GALNTL6: variants seen among roughly 807,000 people sequenced by gnomAD.
GALNTL6 encodes the protein polypeptide N-acetylgalactosaminyltransferase-like 6.
Under a neutral mutation model 73.7 loss-of-function variants are expected in GALNTL6, and 46 were observed. The observed-to-expected ratio is 0.62, with a 90% CI of 0.49 to 0.80. The LOEUF (loss-of-function observed/expected upper bound fraction) is 0.80. GALNTL6 is among the 30% of genes least tolerant of loss of function. The pLI is 0.00. For synonymous variants in GALNTL6, 259 were observed against 263.7 expected, an observed-to-expected ratio of 0.98 and a Z score of 0.17; for missense variants, 604 against 755.0, an observed-to-expected ratio of 0.80 and a Z score of 2.34.
intron 5 of GALNTL6, among the ~76,000 whole-genome samples, chr4:172,589,243 C>T (rs1286752155): frequency 1.3e-5 from 2 of 152,070 alleles, no homozygotes; most frequent in East Asian, 3.9e-4. Context: ...CTAGACAAGC[C>T]AGCACTATTT....
chr4:172,478,847 C>A (rs1733336166), intron 5 of GALNTL6, among the ~76,000 whole-genome samples: 1 of 152,068 alleles, frequency 6.6e-6, no homozygotes, highest in Non-Finnish European at 1.5e-5. Context: ...TAAAAGTAGG[C>A]AAACATCATG....
intron 5 of GALNTL6, among the ~76,000 whole-genome samples, chr4:172,773,172 C>T (rs572927642): frequency 1.4e-4 from 22 of 152,276 alleles, no homozygotes; most frequent in African/African-American, 5.1e-4. Flanking sequence ...GATCGTTTCA[C>T]GTATCCTGAC....
intron 2 of GALNTL6, among the ~76,000 whole-genome samples, chr4:171,893,584 C>A (rs890914214): frequency 6.6e-5 from 10 of 152,114 alleles, no homozygotes; most frequent in African/African-American, 2.4e-4. Context: ...CCTGAATCAA[C>A]ATTTTTATTT....
In GALNTL6 at chr4:172,256,410, A is replaced by C. The variant is rs1002424694; in HGVS notation, c.247+26646A>C. Among the ~76,000 whole-genome samples the C allele has an allele frequency of 4.4e-4, 66 of 151,682 alleles. 1 individual carries two copies. Among genetic ancestry groups the C allele is most frequent in the African/African-American group, 1.6e-3 (66 of 41,534 alleles). ...ATGACCAGAAAGATATATTCAAACC[A>C]TAGCTCAAACTATGTTAGTTCCCCC... is the stretch of plus-strand genomic sequence containing the variant. On this transcript the variant is annotated intron_variant, in intron 3 of 12. Coordinates refer to ENST00000506823, the MANE Select transcript of GALNTL6 (RefSeq NM_001034845.3).
chr4:172,771,397 A>G (rs1414552322), intron 5 of GALNTL6, among the ~76,000 whole-genome samples: 1 of 152,204 alleles, frequency 6.6e-6, no homozygotes, highest in South Asian at 2.1e-4. Context: ...ATCCGAGTTT[A>G]TTATTTCTCT....
At chr4:173,016,449 AG>A (rs1447228169) in intron 11 of GALNTL6, among the ~76,000 whole-genome samples, 1 of 152,210 alleles carries the variant, frequency 6.6e-6, no homozygotes, top group African/African-American at 2.4e-5. Context: ...AGGCCATGGA[AG>A]CCCACTTCTT....
intron 12 of GALNTL6, among the ~76,000 whole-genome samples, chr4:173,036,707 A>G (rs1753711017): frequency 6.6e-6 from 1 of 152,262 alleles, no homozygotes; most frequent in South Asian, 2.1e-4. Flanking sequence ...GCCAGAGCAC[A>G]GGCCATGCCA....
intron 2 of GALNTL6, among the ~76,000 whole-genome samples, chr4:172,197,731 G>A (rs1033035131): frequency 6.6e-6 from 1 of 152,134 alleles, no homozygotes; most frequent in Non-Finnish European, 1.5e-5. Flanking sequence ...GAACTGGTTA[G>A]CCATATGTAG....
intron 2 of GALNTL6, among the ~76,000 whole-genome samples, chr4:171,832,640 T>G (rs1735009772): frequency 1.3e-5 from 2 of 151,884 alleles, no homozygotes; most frequent in African/African-American, 4.8e-5. Flanking sequence ...CATTTCTCAT[T>G]TTATCAAACA....
At chr4:171,966,605 G>A (rs1324673088) in intron 2 of GALNTL6, among the ~76,000 whole-genome samples, 1 of 152,138 alleles carries the variant, frequency 6.6e-6, no homozygotes, top group East Asian at 1.9e-4. Context: ...AAGGAGTTGG[G>A]AGAAGGGCCT....
At chr4:172,980,811 G>A (rs930752201) in intron 10 of GALNTL6, among the ~76,000 whole-genome samples, 1 of 152,128 alleles carries the variant, frequency 6.6e-6, no homozygotes, top group Non-Finnish European at 1.5e-5. Context: ...GGGGGAGAGA[G>A]GGGCACAATT....
At chr4:172,330,180 C>A (rs916146544) in intron 4 of GALNTL6, among the ~76,000 whole-genome samples, 1 of 152,212 alleles carries the variant, frequency 6.6e-6, no homozygotes, top group Non-Finnish European at 1.5e-5. Flanking sequence ...GGAGTTGCAA[C>A]CGCTTTTGCT....
chr4:172,341,830 G>A (rs1158407844), intron 4 of GALNTL6, among the ~76,000 whole-genome samples: 1 of 152,132 alleles, frequency 6.6e-6, no homozygotes, highest in Non-Finnish European at 1.5e-5. Context: ...TCTCGGGTAT[G>A]TCTTTATCAG....
At chr4:172,266,651 A>G (rs1738462670) in intron 3 of GALNTL6, among the ~76,000 whole-genome samples, 2 of 151,514 alleles carry the variant, frequency 1.3e-5, no homozygotes, top group South Asian at 2.1e-4. Flanking sequence ...ACCAGTAAAA[A>G]CATTATCACC....
intron 2 of GALNTL6, among the ~76,000 whole-genome samples, chr4:171,855,750 C>T (rs1735671941): frequency 6.6e-6 from 1 of 152,170 alleles, no homozygotes; most frequent in East Asian, 1.9e-4. Context: ...TCCTGTTACT[C>T]CACATCCTCA....
chr4:172,938,202 C>T (rs1748724616), intron 9 of GALNTL6, among the ~76,000 whole-genome samples: 1 of 152,146 alleles, frequency 6.6e-6, no homozygotes, highest in Non-Finnish European at 1.5e-5. Flanking sequence ...CTTCCTGTGC[C>T]ATCTCCCTGG....
chr4:172,609,900 T>C (rs1738461296), intron 5 of GALNTL6, among the ~76,000 whole-genome samples: 1 of 151,838 alleles, frequency 6.6e-6, no homozygotes, highest in South Asian at 2.1e-4. Context: ...AGGGATTCAA[T>C]TTTTTTCCTG....
chr4:172,081,430 G>A (rs1731876174), intron 2 of GALNTL6, among the ~76,000 whole-genome samples: 1 of 152,204 alleles, frequency 6.6e-6, no homozygotes, highest in Non-Finnish European at 1.5e-5. Context: ...ATGAGGTCAA[G>A]AGATCGAGAT....
intron 5 of GALNTL6, among the ~76,000 whole-genome samples, chr4:172,497,499 A>T (rs1461085989): frequency 6.6e-6 from 1 of 152,220 alleles, no homozygotes; most frequent in Non-Finnish European, 1.5e-5. Context: ...ACATCATTTA[A>T]TCAGTCATAC....
Sources: gnomAD v4.1 joint callset for allele counts (sites outside exome capture counted in the v4.1 genomes callset) on GRCh38, gnomAD v4.1.1 for gene constraint, MANE v1.5 for transcripts, NCBI Gene and HGNC (gene_info 2026-07-23, HGNC 2026-07-21) for gene names.